RIMKLB: variants seen among roughly 807,000 people sequenced by gnomAD.
The protein encoded by RIMKLB is ribosomal modification protein rimK like family member B.
A neutral mutation model predicts 32.0 loss-of-function variants in RIMKLB; 7 were observed. That is an observed-to-expected ratio of 0.22 (90% confidence interval 0.12 to 0.41). RIMKLB has a LOEUF of 0.41. Ranked by LOEUF, RIMKLB falls within the 10% of genes least tolerant of loss-of-function variation. The pLI is 1.00. For missense variants in RIMKLB, 289 were observed against 498.7 expected (o/e 0.58, Z 4.00); for synonymous variants, 172 against 185.1 (o/e 0.93, Z 0.57).
In RIMKLB at chr12:8,772,996, C is replaced by A. The variant is rs760749359; in HGVS notation, c.698-325C>A. Among the ~76,000 whole-genome samples the A allele has an allele frequency of 2.6e-5, 4 of 152,184 alleles. No homozygotes were observed. In the East Asian group the frequency reaches 7.7e-4, roughly 29 times the overall value. ...ATGCATTTTTATTATTTTTATAAAT[C>A]AAAAACCAATAATACTTTTGCCATC... On this transcript the variant is annotated intron_variant, in intron 5 of 5. Coordinates refer to ENST00000535829, the MANE Select transcript of RIMKLB (RefSeq NM_001297776.2).
the RIMKLB span, among the ~76,000 whole-genome samples, chr12:8,671,527 G>A: frequency 6.6e-6 from 1 of 152,094 alleles, no homozygotes; most frequent in Non-Finnish European, 1.5e-5. Flanking sequence ...TGGGATTACA[G>A]GTGTGAGTCA....
intron 5 of RIMKLB, among the ~76,000 whole-genome samples, chr12:8,754,554 C>CCTCTT (rs1298376657): frequency 1.3e-5 from 2 of 152,166 alleles, no homozygotes; most frequent in Non-Finnish European, 2.9e-5. Context: ...TTTTTATCCT[C>CCTCTT]CTCTTCTCTG....
At chr12:8,703,435 C>T (rs1342405691) in intron 1 of RIMKLB, among the ~76,000 whole-genome samples, 1 of 152,150 alleles carries the variant, frequency 6.6e-6, no homozygotes, top group Non-Finnish European at 1.5e-5. Flanking sequence ...TCAAGCGAAC[C>T]CCCTGCCTCA....
chr12:8,721,831 C>T (rs1945469773), intron 2 of RIMKLB, among the ~76,000 whole-genome samples: 1 of 152,102 alleles, frequency 6.6e-6, no homozygotes, highest in Non-Finnish European at 1.5e-5. Flanking sequence ...GCAACCTCAG[C>T]CTCCTGGGTT....
At chr12:8,769,659 TC>T (rs1280502441) in intron 5 of RIMKLB, among the ~76,000 whole-genome samples, 1 of 152,210 alleles carries the variant, frequency 6.6e-6, no homozygotes, top group African/African-American at 2.4e-5. Flanking sequence ...ATTTGGGAGA[TC>T]AACCAGGGTT....
intron 1 of RIMKLB, among the ~76,000 whole-genome samples, chr12:8,684,433 A>G (rs780669455): frequency 2.0e-5 from 3 of 151,856 alleles, no homozygotes; most frequent in South Asian, 2.1e-4. Context: ...CCCGCCTCCC[A>G]AAGTGTTGGG....
intron 1 of RIMKLB, among the ~76,000 whole-genome samples, chr12:8,703,283 C>CAA (rs201594548): frequency 2.7e-5 from 4 of 149,864 alleles, no homozygotes; most frequent in African/African-American, 1.0e-4. Context: ...GACTCCCTCT[C>CAA]AAAAAAAAGA....
intron 2 of RIMKLB, among the ~76,000 whole-genome samples, chr12:8,728,488 A>G (rs1340331371): frequency 6.6e-6 from 1 of 152,172 alleles, no homozygotes; most frequent in Non-Finnish European, 1.5e-5. Flanking sequence ...TAGGTGGAAC[A>G]TAATGTCCAG....
chr12:8,762,118 G>T (rs1949575153), intron 5 of RIMKLB, among the ~76,000 whole-genome samples: 1 of 152,120 alleles, frequency 6.6e-6, no homozygotes, highest in African/African-American at 2.4e-5. Context: ...CTACAATGGG[G>T]CGTCAATATT....
intron 2 of RIMKLB, among the ~76,000 whole-genome samples, chr12:8,735,533 A>T (rs1041826856): frequency 6.8e-6 from 1 of 147,054 alleles, no homozygotes; most frequent in Non-Finnish European, 1.5e-5. Context: ...CTCAGCCTAA[A>T]TTTTTTTTTT....
In RIMKLB at chr12:8,751,987, A is replaced by G. The variant is rs772132023; in HGVS notation, c.437A>G (p.Asp146Gly). 4 of 1,613,786 alleles carry G rather than the reference A, an allele frequency of 2.5e-6. No individual in the cohort carries two copies. The highest frequency in any genetic ancestry group is 3.4e-6 in the Non-Finnish European group (4 of 1,179,770). Residue 146 changes from aspartate (D) to glycine (G), a missense_variant, in exon 4 of 6, where the codon GAT (aspartate) becomes GGT (glycine). Transcript: ENST00000535829. ...GGHENFAKMI[D>G]EAEVLEFPMV... ...CACGAAAATTTTGCTAAAATGATTG[A>G]TGAGGCTGAAGTTCTGGAGTTCCCA...
chr12:8,681,434 A>G (rs1163771383), upstream of RIMKLB, among the ~76,000 whole-genome samples: 1 of 152,216 alleles, frequency 6.6e-6, no homozygotes, highest in East Asian at 1.9e-4. Flanking sequence ...CTGAGTGATA[A>G]GAGTGTCTTT....
chr12:8,780,236 T>C (rs1202703950), downstream of RIMKLB: 1 of 152,206 alleles, frequency 6.6e-6, no homozygotes, highest in Admixed American at 6.5e-5. Context: ...ACTACCTAAA[T>C]TTTTAAGTTA....
At chr12:8,676,804 T>A (rs1228021452), upstream of RIMKLB, among the ~76,000 whole-genome samples, 1 of 151,978 alleles carries the variant, frequency 6.6e-6, no homozygotes, top group African/African-American at 2.4e-5. Flanking sequence ...GCACCTTGAG[T>A]CAGACAGGCT....
chr12:8,713,684 AT>A, intron 1 of RIMKLB, 126 bp from the exon 2 acceptor site: 1 of 609,526 alleles, frequency 1.6e-6, no homozygotes, highest in South Asian at 2.1e-5. Flanking sequence ...AAAGGAAACA[AT>A]ATCTCTACAC....
intron 2 of RIMKLB, among the ~76,000 whole-genome samples, chr12:8,745,001 T>G (rs1947942387): frequency 6.6e-6 from 1 of 151,908 alleles, no homozygotes; most frequent in South Asian, 2.1e-4. Flanking sequence ...CCCCAGCCCC[T>G]CACCTGCCAA....
intron 2 of RIMKLB, among the ~76,000 whole-genome samples, chr12:8,715,116 A>G (rs990865038): frequency 6.6e-6 from 1 of 151,248 alleles, no homozygotes; most frequent in African/African-American, 2.4e-5. Context: ...CATCACTTTT[A>G]TTTTCAATCC....
chr12:8,674,906 C>A, the RIMKLB span, among the ~76,000 whole-genome samples: 1 of 146,416 alleles, frequency 6.8e-6, no homozygotes, highest in Non-Finnish European at 1.5e-5. Flanking sequence ...CTCTGTCTCC[C>A]AGGCTGGAGT....
At chr12:8,735,892 C>T (rs1394493340) in intron 2 of RIMKLB, among the ~76,000 whole-genome samples, 6 of 151,720 alleles carry the variant, frequency 4.0e-5, no homozygotes, top group African/African-American at 7.3e-5. Flanking sequence ...TGCCACGCCC[C>T]GCTAATTTTG....
Sources: allele counts gnomAD v4.1 joint callset (sites outside exome capture counted in the v4.1 genomes callset), GRCh38; gene constraint gnomAD v4.1.1; transcripts MANE v1.5; gene names NCBI Gene and HGNC (gene_info 2026-07-23, HGNC 2026-07-21).